Variants in UNC79 observed in about 807,000 individuals in gnomAD.
The protein encoded by UNC79 is unc-79 subunit of NALCN channel complex.
UNC79 carries 37 observed loss-of-function variants against 283.1 expected under a neutral mutation model. The ratio of observed to expected loss-of-function variants is 0.13; its 90% CI spans 0.10 to 0.17. The LOEUF (loss-of-function observed/expected upper bound fraction) is 0.17, where lower values mean the gene tolerates loss of function less well. Among genes scored for constraint, UNC79 ranks in the 10% least tolerant of loss-of-function variants. UNC79 has a pLI of 1.00. For synonymous variants in UNC79, 1,107 were observed against 1,200.2 expected (o/e 0.92, Z 1.61); for missense variants, 2,272 against 3,211.1 (o/e 0.71, Z 7.07).
At chr14:93,389,804 A>G (rs1168372205) in intron 1 of UNC79, among the ~76,000 whole-genome samples, 2 of 152,150 alleles carry the variant, frequency 1.3e-5, no homozygotes, top group Admixed American at 1.3e-4. Context: ...GGCACATGCC[A>G]TCACATCTGG....
At chr14:93,594,543 T>A (rs2064924938) in intron 23 of UNC79, among the ~76,000 whole-genome samples, 1 of 152,196 alleles carries the variant, frequency 6.6e-6, no homozygotes, top group Non-Finnish European at 1.5e-5. Context: ...GTGTTGGGAT[T>A]ACAGGCATGA....
intron 1 of UNC79, among the ~76,000 whole-genome samples, chr14:93,367,217 T>C (rs1410900320): frequency 1.3e-5 from 2 of 152,146 alleles, no homozygotes; most frequent in Admixed American, 1.3e-4. Flanking sequence ...AAAAGAAATC[T>C]AAGGACGAGG....
intron 14 of UNC79, among the ~76,000 whole-genome samples, chr14:93,550,529 A>AAAAAG (rs2061831514): frequency 3.2e-5 from 2 of 63,272 alleles, no homozygotes; most frequent in African/African-American, 5.6e-5. Context: ...AAAAAAAAAA[A>AAAAAG]AAAAAAAAAA....
intron 1 of UNC79, among the ~76,000 whole-genome samples, chr14:93,416,032 C>T (rs1004713746): frequency 2.0e-5 from 3 of 151,080 alleles, no homozygotes; most frequent in African/African-American, 7.3e-5. Flanking sequence ...CAGTTCTGCT[C>T]TGATTTTAGT....
At chr14:93,428,590 G>T (rs2055780896), upstream of UNC79, among the ~76,000 whole-genome samples, 1 of 152,164 alleles carries the variant, frequency 6.6e-6, no homozygotes, top group African/African-American at 2.4e-5. Flanking sequence ...GAGTGCCTAG[G>T]TTGATGATTA....
chr14:93,335,850 G>T (rs560578113), intron 1 of UNC79, among the ~76,000 whole-genome samples: 2 of 152,262 alleles, frequency 1.3e-5, no homozygotes, highest in East Asian at 3.9e-4. Flanking sequence ...CCATTAAGTT[G>T]CCCTAACACC....
intron 47 of UNC79, among the ~76,000 whole-genome samples, chr14:93,700,237 T>G (rs573959489): frequency 6.6e-6 from 1 of 152,294 alleles, no homozygotes; most frequent in Admixed American, 6.5e-5. Flanking sequence ...TTGATGATGC[T>G]ATGCCTTGGT....
intron 7 of UNC79, among the ~76,000 whole-genome samples, chr14:93,504,971 T>A (rs2059457216): frequency 6.6e-6 from 1 of 152,056 alleles, no homozygotes; most frequent in Non-Finnish European, 1.5e-5. Context: ...AGGAGATTTA[T>A]AGCTTTATCC....
chr14:93,529,139 C>T (rs2060681632), intron 9 of UNC79, 147 bp from the exon 10 acceptor site: 1 of 697,202 alleles, frequency 1.4e-6, no homozygotes. Context: ...ATGCATTAGA[C>T]ATTTTAAGAG....
intron 1 of UNC79, among the ~76,000 whole-genome samples, chr14:93,354,650 A>C (rs1471077059): frequency 6.6e-6 from 1 of 152,106 alleles, no homozygotes; most frequent in Non-Finnish European, 1.5e-5. Context: ...GGCATGCGCC[A>C]CCATGCCCAA....
At chr14:93,361,566 G>A (rs1331707644) in intron 1 of UNC79, among the ~76,000 whole-genome samples, 1 of 151,900 alleles carries the variant, frequency 6.6e-6, no homozygotes, top group African/African-American at 2.4e-5. Context: ...AAACTTTGCT[G>A]AAGTTGTTTC....
chr14:93,701,677 C>G (rs890407980), intron 47 of UNC79, among the ~76,000 whole-genome samples: 26 of 152,230 alleles, frequency 1.7e-4, no homozygotes, highest in African/African-American at 5.8e-4. Context: ...TTCAATAAGT[C>G]AAATTAACAT....
intron 26 of UNC79, among the ~76,000 whole-genome samples, chr14:93,609,531 T>C (rs2066145013): frequency 6.6e-6 from 1 of 152,202 alleles, no homozygotes; most frequent in South Asian, 2.1e-4. Context: ...ATTATAAATA[T>C]ATTTTCTCTT....
chr14:93,461,451 G>A (rs888023506), intron 1 of UNC79, among the ~76,000 whole-genome samples: 3 of 152,160 alleles, frequency 2.0e-5, no homozygotes, highest in Non-Finnish European at 4.4e-5. Context: ...AGAAGGGGCC[G>A]TAAAATATCA....
intron 46 of UNC79, among the ~76,000 whole-genome samples, chr14:93,694,014 A>G (rs541180176): frequency 2.6e-5 from 4 of 152,334 alleles, no homozygotes; most frequent in Admixed American, 2.6e-4. Flanking sequence ...CCGTAGTTAG[A>G]AATGAAGGCA....
intron 4 of UNC79, 70 bp downstream of exon 4, chr14:93,477,798 A>G: frequency 1.4e-6 from 2 of 1,460,210 alleles, no homozygotes; most frequent in Non-Finnish European, 1.9e-6. Context: ...TTTTGCTGTT[A>G]TAGGCTCTAG....
chr14:93,584,139 A>G (rs1348855535), intron 20 of UNC79, among the ~76,000 whole-genome samples: 1 of 152,182 alleles, frequency 6.6e-6, no homozygotes, highest in Admixed American at 6.5e-5. Context: ...CTGCAAACAG[A>G]ATATTCTGCA....
In UNC79 at chr14:93,617,345, T is replaced by G; in HGVS notation, c.4224+41T>G. 1.2e-6 allele frequency: 2 copies of G among 1,603,640 alleles called. No homozygotes were observed. Among genetic ancestry groups the G allele is most frequent in the Non-Finnish European group, 1.7e-6 (2 of 1,173,768 alleles). On this transcript the variant is annotated intron_variant, in intron 28 of 48. Transcript: ENST00000555664. The surrounding 1 kb of genome is among the most constrained non-coding windows in gnomAD (Gnocchi z 4.5). ...ACTGCTGTTTTGGATGCAATGGTTC[T>G]CTTAGAGAGCATATAGCATTAGGAG... is the stretch of plus-strand genomic sequence containing the variant.
chr14:93,602,215 C>T (rs1420380910), intron 25 of UNC79, among the ~76,000 whole-genome samples: 2 of 152,154 alleles, frequency 1.3e-5, no homozygotes, highest in African/African-American at 4.8e-5. Flanking sequence ...ATGTTGTCTT[C>T]TAGAATTTTT....
Sources: gnomAD v4.1 joint callset for allele counts (sites outside exome capture counted in the v4.1 genomes callset) on GRCh38, gnomAD v4.1.1 for gene constraint, Gnocchi (gnomAD v3.1) non-coding constraint, MANE v1.5 for transcripts, NCBI Gene and HGNC (gene_info 2026-07-23, HGNC 2026-07-21) for gene names.